The following TNIP1 variants were observed in gnomAD, a reference collection of about 807,000 sequenced individuals.
TNIP1 encodes the protein TNFAIP3-interacting protein 1.
Under a neutral mutation model 86.6 loss-of-function variants are expected in TNIP1, and 22 were observed. The observed-to-expected ratio is 0.25, with a 90% CI of 0.18 to 0.36. TNIP1 has a LOEUF of 0.36. Ranked by LOEUF, TNIP1 falls within the 10% of genes least tolerant of loss-of-function variation. TNIP1 has a pLI of 1.00. For synonymous variants in TNIP1, 294 were observed against 313.0 expected (o/e 0.94, Z 0.64); for missense variants, 709 against 820.6 (o/e 0.86, Z 1.66).
At chr5:151,056,702 G>A in intron 6 of TNIP1, 64 bp downstream of exon 6, 2 of 1,400,128 alleles carry the variant, frequency 1.4e-6, no homozygotes, top group Non-Finnish European at 1.9e-6. Context: ...GGAGCAGGAA[G>A]GTGGGAAGAG....
At chr5:151,079,062 T>C (rs1373919663) in intron 1 of TNIP1, among the ~76,000 whole-genome samples, 1 of 152,156 alleles carries the variant, frequency 6.6e-6, no homozygotes, top group Non-Finnish European at 1.5e-5. Context: ...GCCATACCCA[T>C]GGAACACCCA....
rs1317238474 is a variant in TNIP1 at position 151,059,862 on chromosome 5, TGTGTGCGCGCGC to T, written c.435+444_435+455del. Among the ~76,000 whole-genome samples, 136 of 96,496 alleles carry T rather than the reference TGTGTGCGCGCGC, an allele frequency of 1.4e-3. 2 individuals are homozygous for T. In the East Asian group the frequency reaches 0.02, roughly 14 times the overall value. 63.3% of individuals were successfully genotyped at this position (96,496 alleles called of 152,430 possible). A position where few individuals can be genotyped will look rare whatever the true frequency, so the allele number is the denominator to read the frequency against. Reference sequence around the variant, plus strand: ...GTGTGTGTGTGTGTGTGTGTGTGTGTGTGTGCGCGCGCGCGCGCGCATGCGTGTAAGTGGAAA... The same window carrying T: ...GTGTGTGTGTGTGTGTGTGTGTGTGTGCGCGCGCATGCGTGTAAGTGGAAA... On this transcript the variant is annotated intron_variant, in intron 5 of 17. Transcript: ENST00000521591.
intron 1 of TNIP1, among the ~76,000 whole-genome samples, chr5:151,070,919 G>A (rs1762754859): frequency 1.3e-5 from 2 of 151,724 alleles, no homozygotes; most frequent in Non-Finnish European, 2.9e-5. Context: ...GAACACTGAT[G>A]TAAACCATGG....
At chr5:151,067,051 C>A (rs1762317815) in intron 1 of TNIP1, among the ~76,000 whole-genome samples, 1 of 152,180 alleles carries the variant, frequency 6.6e-6, no homozygotes, top group African/African-American at 2.4e-5. Context: ...AAGATGAATA[C>A]ACCGTGTGGG....
At chr5:151,034,750 C>T (rs1049541434) in intron 15 of TNIP1, 21 of 484,976 alleles carry the variant, frequency 4.3e-5, no homozygotes, top group Admixed American at 1.0e-4. Context: ...GGCTCATACA[C>T]GGCCAAAGAA....
chr5:151,075,900 A>T (rs1226772145), intron 1 of TNIP1, among the ~76,000 whole-genome samples: 2 of 151,818 alleles, frequency 1.3e-5, no homozygotes, highest in Admixed American at 1.3e-4. Flanking sequence ...TGGTGACACA[A>T]CTCCCACAGC....
chr5:151,059,828 A>AGAGAGAGAGAGG (rs1554076446), intron 5 of TNIP1, among the ~76,000 whole-genome samples: 1 of 56,398 alleles, frequency 1.8e-5, no homozygotes, highest in Admixed American at 2.1e-4. Flanking sequence ...AGAGAGAGAG[A>AGAGAGAGAGAGG]GTGTGTGTGT....
chr5:151,082,975 CT>C (rs532532382), upstream of TNIP1, among the ~76,000 whole-genome samples: 48 of 151,794 alleles, frequency 3.2e-4, no homozygotes, highest in East Asian at 6.7e-3. Context: ...TAGAAAAGGA[CT>C]TACTCTAGGC....
At chr5:151,060,138 T>G (rs532846373) in intron 5 of TNIP1, among the ~76,000 whole-genome samples, 180 bp downstream of exon 5, 5 of 152,290 alleles carry the variant, frequency 3.3e-5, no homozygotes, top group Admixed American at 2.6e-4. Flanking sequence ...GGGAAGTCAC[T>G]AGCCCAGGAA....
chr5:151,032,217 C>T (rs1396858548), intron 17 of TNIP1, 70 bp downstream of exon 17: 1 of 1,371,140 alleles, frequency 7.3e-7, no homozygotes, highest in Non-Finnish European at 1.0e-6. Flanking sequence ...CACCCCCAAA[C>T]TCAGGCAATG....
At chr5:151,047,498 C>T (rs982867004) in intron 8 of TNIP1, among the ~76,000 whole-genome samples, 3 of 152,150 alleles carry the variant, frequency 2.0e-5, no homozygotes, top group African/African-American at 7.2e-5. Context: ...CACGACAGGA[C>T]ATGAGTGCAA....
rs1470461085 is a variant in TNIP1 at position 151,080,880 on chromosome 5, C to A, written c.-37G>T. The stretch of plus-strand genomic sequence containing the variant: ...CCCCGCTCCGGGCCGGCCGGCTTAC[C>A]CGAGGACGGGGAGCTTGGGGACACA... On this transcript the variant is annotated splice_region_variant and 5_prime_UTR_variant, in exon 1 of 18. Transcript: ENST00000521591. The A allele has an allele frequency of 1.3e-5, 2 of 152,248 alleles. No homozygotes were observed. The highest frequency in any genetic ancestry group is 6.5e-5 in the Admixed American group (1 of 15,294). The allele number at this position is 152,248 out of a possible 1,614,324, so 9.4% of individuals were successfully genotyped here. A position where few individuals can be genotyped will look rare whatever the true frequency, so the allele number is the denominator to read the frequency against.
At chr5:151,054,551 C>T (rs781455734) in intron 6 of TNIP1, among the ~76,000 whole-genome samples, 12 of 152,082 alleles carry the variant, frequency 7.9e-5, no homozygotes, top group East Asian at 1.9e-4. Context: ...GGCATAAGGG[C>T]GCATGCATGT....
chr5:151,060,435 C>A, intron 4 of TNIP1, 40 bp from the exon 5 acceptor site: 2 of 1,595,280 alleles, frequency 1.3e-6, no homozygotes, highest in African/African-American at 1.3e-5. Context: ...GAGAGAAAAA[C>A]AGCTCACCCC....
chr5:151,032,363 T>C lies in TNIP1; in HGVS notation c.1800A>G (p.Leu600=), dbSNP rs1302858051. The C allele has an allele frequency of 6.2e-7, 1 of 1,613,976 alleles. No homozygotes were observed. Among genetic ancestry groups the C allele is most frequent in the African/African-American group, 1.3e-5 (1 of 74,914 alleles). Residue 600 remains leucine (L), a synonymous_variant, in exon 17 of 18, where the codon CTA becomes CTG. Transcript: ENST00000521591. ...LFHLPEYTWR[L]PCGGVRNPNQ... is the part of the protein sequence containing the mutation. ...TTGGATTTCGAACCCCTCCACAGGG[T>C]AGACGCCAGGTGTATTCCGGCTGCG...
intron 6 of TNIP1, among the ~76,000 whole-genome samples, chr5:151,053,288 T>C (rs1238150159): frequency 1.3e-5 from 2 of 151,974 alleles, no homozygotes; most frequent in African/African-American, 4.8e-5. Context: ...TTTTGTATTT[T>C]CAGTACAGAC....
intron 1 of TNIP1, among the ~76,000 whole-genome samples, chr5:151,086,297 G>C (rs1764274412): frequency 6.6e-6 from 1 of 152,152 alleles, no homozygotes; most frequent in Non-Finnish European, 1.5e-5. Flanking sequence ...TTTTCTAAGT[G>C]ATCAAAGAGG....
rs761815594 is a variant in TNIP1 at position 151,052,257 on chromosome 5, G to A, written c.630C>T (p.Thr210=). ...TCTCCTTCCGAAGCTGCTCACACAGGGTCTGTGGGGCAGGGGAACAGACAG... is the reference window on the plus strand; with the variant it reads ...TCTCCTTCCGAAGCTGCTCACACAGAGTCTGTGGGGCAGGGGAACAGACAG... ...KNEQRTSILQ[T]LCEQLRKENE... The change falls in exon 7 of 18, where the codon ACC becomes ACT. Residue 210 remains threonine, a splice_region_variant and synonymous_variant. Coordinates refer to ENST00000521591, the MANE Select transcript of TNIP1 (RefSeq NM_006058.5). 3 of 1,613,348 alleles carry A rather than the reference G, an allele frequency of 1.9e-6. No individual in the cohort carries two copies. The highest frequency in any genetic ancestry group is 1.3e-5 in the African/African-American group (1 of 75,002).
intron 3 of TNIP1, 91 bp downstream of exon 3, chr5:151,063,522 T>C (rs993625051): frequency 3.9e-5 from 59 of 1,529,402 alleles, no homozygotes; most frequent in Non-Finnish European, 5.0e-5. Flanking sequence ...CGAGAGAATG[T>C]GGGTTTTGGC....
Sources: allele counts gnomAD v4.1 joint callset (sites outside exome capture counted in the v4.1 genomes callset), GRCh38; gene constraint gnomAD v4.1.1; transcripts MANE v1.5; gene names NCBI Gene and HGNC (gene_info 2026-07-23, HGNC 2026-07-21).